Variants in MYO19 observed in about 807,000 individuals in gnomAD.
MYO19 encodes unconventional myosin-XIX.
MYO19 carries 132 observed loss-of-function variants against 129.2 expected under a neutral mutation model. The observed-to-expected ratio is 1.02, with a 90% CI of 0.89 to 1.18. The LOEUF (loss-of-function observed/expected upper bound fraction) is 1.18. Among genes scored for constraint, MYO19 ranks in the 50% most tolerant of loss-of-function variants. MYO19 has a pLI of 0.00. For missense variants in MYO19, 1,210 were observed against 1,216.7 expected (o/e 0.99, Z 0.08); for synonymous variants, 531 against 477.2 (o/e 1.11, Z -1.47).
At chr17:36,505,265 G>C in intron 19 of MYO19, 32 bp downstream of exon 19, 1 of 1,583,690 alleles carries the variant, frequency 6.3e-7, no homozygotes, top group Non-Finnish European at 8.7e-7. Flanking sequence ...ATGGGGTTTG[G>C]TGCGAAGCAG....
intron 11 of MYO19, 148 bp downstream of exon 11, chr17:36,513,281 G>A (rs748854365): frequency 5.3e-6 from 8 of 1,519,888 alleles, no homozygotes; most frequent in Non-Finnish European, 7.0e-6. Flanking sequence ...CAGCAGAACA[G>A]AGGTGACTGA....
chr17:36,523,301 T>C (rs1750866373), intron 6 of MYO19, among the ~76,000 whole-genome samples: 1 of 151,994 alleles, frequency 6.6e-6, no homozygotes, highest in Non-Finnish European at 1.5e-5. Flanking sequence ...GAAGCTTCCA[T>C]GCAACAGCTG....
At chr17:36,534,531 A>AAAGGTGG (rs1464132585) in intron 1 of MYO19, 1 of 152,254 alleles carries the variant, frequency 6.6e-6, no homozygotes, top group Admixed American at 6.5e-5. Flanking sequence ...GGCCAGGTGG[A>AAAGGTGG]AAGGTGGAGG....
At position 36,503,530 on chromosome 17, in the gene MYO19, C is replaced by T. The variant is rs896550347; in HGVS notation, c.1977-330G>A. ...CCTCTCCCCAAACAATTGGACCAGT[C>T]CTATGACGCAGACATGCTTGGCCAC... On this transcript the variant is annotated intron_variant, in intron 20 of 25. Transcript: ENST00000614623. 8.5e-5 allele frequency among the ~76,000 whole-genome samples: 13 copies of T among 152,358 alleles called. No homozygotes were observed. In the South Asian group the frequency reaches 1.7e-3, roughly 19 times the overall value.
intron 6 of MYO19, among the ~76,000 whole-genome samples, chr17:36,524,620 A>C (rs1015712173): frequency 6.6e-6 from 1 of 152,162 alleles, no homozygotes; most frequent in Non-Finnish European, 1.5e-5. Context: ...CCTCCCCAAC[A>C]CCTGGCCCAA....
Position 36,511,471 on chromosome 17 carries a change from G to T in MYO19, c.895-16C>A, listed in dbSNP as rs766677826. On this transcript the variant is annotated splice_polypyrimidine_tract_variant and intron_variant, in intron 11 of 25. Coordinates refer to ENST00000614623, the MANE Select transcript of MYO19 (RefSeq NM_001163735.2). ...CAGCTAGGACCTGGGGGAAAGAAAA[G>T]GATGGGTGGGAGTAGGAGAGGGCGT... 1.9e-6 allele frequency: 3 copies of T among 1,553,594 alleles called. No individual in the cohort carries two copies. The highest frequency in any genetic ancestry group is 2.6e-6 in the Non-Finnish European group (3 of 1,148,070).
intron 6 of MYO19, among the ~76,000 whole-genome samples, chr17:36,524,648 C>A (rs1307994576): frequency 5.9e-5 from 9 of 152,244 alleles, no homozygotes; most frequent in Non-Finnish European, 1.3e-4. Context: ...CCCTTGCCAC[C>A]ATGCGCAACC....
intron 23 of MYO19, chr17:36,500,132 A>C (rs978454607): frequency 1.3e-5 from 2 of 152,236 alleles, no homozygotes; most frequent in African/African-American, 4.8e-5. Context: ...TGCTGGGATT[A>C]CAGGAGCGAA....
At chr17:36,526,981 A>C (rs2073507368) in intron 5 of MYO19, among the ~76,000 whole-genome samples, 1 of 152,042 alleles carries the variant, frequency 6.6e-6, no homozygotes, top group African/African-American at 2.4e-5. Context: ...GGAGTTTGAG[A>C]CCAGCCTGAC....
chr17:36,514,859 C>T (rs1275039012), intron 8 of MYO19, among the ~76,000 whole-genome samples: 1 of 152,222 alleles, frequency 6.6e-6, no homozygotes, highest in Non-Finnish European at 1.5e-5. Flanking sequence ...AGCTTGAAGT[C>T]CCTGAGCAAG....
chr17:36,496,645 A>G (rs752974076), intron 25 of MYO19, among the ~76,000 whole-genome samples: 23 of 152,208 alleles, frequency 1.5e-4, no homozygotes, highest in Non-Finnish European at 2.8e-4. Context: ...TAAAGCCAGA[A>G]GGGCAAAACA....
intron 6 of MYO19, among the ~76,000 whole-genome samples, chr17:36,517,740 A>T (rs975614528): frequency 6.6e-6 from 1 of 151,866 alleles, no homozygotes; most frequent in Non-Finnish European, 1.5e-5. Context: ...TGAAGCCCTC[A>T]CTCCCAATGT....
At chr17:36,526,900 C>T (rs1013225917) in intron 5 of MYO19, among the ~76,000 whole-genome samples, 3 of 151,944 alleles carry the variant, frequency 2.0e-5, no homozygotes, top group African/African-American at 7.3e-5. Flanking sequence ...ATAAATAGGG[C>T]CGGGTACAGT....
intron 3 of MYO19, among the ~76,000 whole-genome samples, chr17:36,529,739 C>T (rs947276804): frequency 2.6e-5 from 4 of 152,156 alleles, no homozygotes; most frequent in Non-Finnish European, 4.4e-5. Flanking sequence ...ACAAACCATT[C>T]ACAAACACAG....
intron 20 of MYO19, 141 bp downstream of exon 20, chr17:36,503,809 G>C (rs2142863324): frequency 4.9e-6 from 3 of 613,588 alleles, no homozygotes; most frequent in East Asian, 6.3e-5. Flanking sequence ...CTGCTCCCTA[G>C]TTCCCAGCTG....
chr17:36,505,460 AC>A, intron 18 of MYO19, 56 bp from the exon 19 acceptor site: 1 of 1,352,380 alleles, frequency 7.4e-7, no homozygotes, highest in African/African-American at 1.4e-5. Flanking sequence ...AGGGCCATCA[AC>A]TGGGCTCTGG....
intron 11 of MYO19, chr17:36,513,120 C>T (rs1029640601): frequency 7.3e-7 from 1 of 1,367,888 alleles, no homozygotes; most frequent in Non-Finnish European, 9.4e-7. Flanking sequence ...ATGTACTAGA[C>T]AAGCAAGGCG....
intron 25 of MYO19, chr17:36,497,968 A>G (rs763847497): frequency 4.3e-4 from 174 of 404,600 alleles, no homozygotes; most frequent in Non-Finnish European, 3.4e-4. Context: ...CATCAGAATC[A>G]GCTGGGAGCT....
chr17:36,522,043 A>G (rs1397037622), intron 6 of MYO19, among the ~76,000 whole-genome samples: 88 of 151,266 alleles, frequency 5.8e-4, no homozygotes, highest in East Asian at 4.6e-3. Flanking sequence ...AAAAAAAAAA[A>G]AAAAGAAAAG....
Sources: allele counts gnomAD v4.1 joint callset (sites outside exome capture counted in the v4.1 genomes callset), GRCh38; gene constraint gnomAD v4.1.1; transcripts MANE v1.5; gene names NCBI Gene and HGNC (gene_info 2026-07-23, HGNC 2026-07-21).